The following TBX4 variants were observed in gnomAD, a reference collection of about 807,000 sequenced individuals.
TBX4 encodes the protein T-box transcription factor TBX4.
In TBX4, 13 loss-of-function variants were observed where a neutral mutation model predicts 54.6. That is an observed-to-expected ratio of 0.24 (90% CI 0.15 to 0.38). The LOEUF is 0.38. Ranked by LOEUF, TBX4 falls within the 10% of genes least tolerant of loss-of-function variation. The pLI, the probability that TBX4 is intolerant of heterozygous loss-of-function variation, is 1.00. For missense variants in TBX4, 631 were observed against 728.5 expected (o/e 0.87, Z 1.54); for synonymous variants, 314 against 306.7 (o/e 1.02, Z -0.25).
rs1402643583 is a variant in TBX4 at position 61,476,375 on chromosome 17, G to C, written c.550-2252G>C. Among the ~76,000 whole-genome samples the C allele has an allele frequency of 6.6e-6, 1 of 152,228 alleles. No individual in the cohort carries two copies. The highest frequency in any genetic ancestry group is 2.4e-5 in the African/African-American group (1 of 41,460). ...CAGCAGAGGGACCTGCATGTGCAAAGGTGCACAGGTAGGAACTGGGCATTC... is the reference window on the plus strand; with the variant it reads ...CAGCAGAGGGACCTGCATGTGCAAACGTGCACAGGTAGGAACTGGGCATTC... On this transcript the variant is annotated intron_variant, in intron 5 of 8. Coordinates refer to ENST00000644296, the MANE Select transcript of TBX4 (RefSeq NM_001321120.2). This position sits in a 1 kb window ranked among gnomAD's most constrained non-coding sequence, Gnocchi z 6.5.
intron 5 of TBX4, among the ~76,000 whole-genome samples, chr17:61,469,914 T>C (rs1015934006): frequency 1.3e-5 from 2 of 152,232 alleles, no homozygotes; most frequent in Non-Finnish European, 2.9e-5. Context: ...TGCCCTTCCT[T>C]CTGCACAACC....
chr17:61,467,104 A>C (rs957973228), intron 4 of TBX4, among the ~76,000 whole-genome samples: 3 of 152,138 alleles, frequency 2.0e-5, no homozygotes, highest in Non-Finnish European at 4.4e-5. Flanking sequence ...GGCTGCAGGG[A>C]GCTATGATCA....
rs1473861492 is a variant in TBX4 at position 61,476,033 on chromosome 17, C to T, written c.550-2594C>T. Among the ~76,000 whole-genome samples, 1 of 152,088 alleles carries T rather than the reference C, an allele frequency of 6.6e-6. No homozygotes were observed. The highest frequency in any genetic ancestry group is 1.5e-5 in the Non-Finnish European group (1 of 68,028). On this transcript the variant is annotated intron_variant, in intron 5 of 8. Coordinates refer to ENST00000644296, the MANE Select transcript of TBX4 (RefSeq NM_001321120.2). The surrounding 1 kb of genome is among the most constrained non-coding windows in gnomAD (Gnocchi z 6.5). Reference sequence around the variant, plus strand: ...CCCACGGAGGGTTTGTGGTCGTGGCCCAGATCTTCCCACTCTCAAACCCGA... The same window carrying T: ...CCCACGGAGGGTTTGTGGTCGTGGCTCAGATCTTCCCACTCTCAAACCCGA...
Position 61,461,480 on chromosome 17 carries a change from A to G in TBX4, c.281+3849A>G, listed in dbSNP as rs1480637796. On this transcript the variant is annotated intron_variant, in intron 3 of 8. Transcript: ENST00000644296. The surrounding 1 kb of genome is among the most constrained non-coding windows in gnomAD (Gnocchi z 5.1). ...AAGCCCCCACGGACATCAGGGTTGGAGAAACAAAGGGTTTTAAGGGGACCC... is the reference window on the plus strand; with the variant it reads ...AAGCCCCCACGGACATCAGGGTTGGGGAAACAAAGGGTTTTAAGGGGACCC... Among the ~76,000 whole-genome samples the G allele has an allele frequency of 1.3e-5, 2 of 152,140 alleles. No homozygotes were observed. The highest frequency in any genetic ancestry group is 2.9e-5 in the Non-Finnish European group (2 of 68,032).
At position 61,457,507 on chromosome 17, in the gene TBX4, G is replaced by A; in HGVS notation, c.187-30G>A. 6.2e-7 allele frequency: 1 copy of A among 1,606,312 alleles called. No individual in the cohort carries two copies. Among genetic ancestry groups the A allele is most frequent in the African/African-American group, 1.3e-5 (1 of 74,880 alleles). ...TCCGCGTGGAGCCCTGGGCCTGGCA[G>A]ACACAAGTTTCTCTCCCTCCCATCC... On this transcript the variant is annotated intron_variant, in intron 2 of 8. Transcript: ENST00000644296. The surrounding 1 kb of genome is among the most constrained non-coding windows in gnomAD (Gnocchi z 8.2).
intron 4 of TBX4, among the ~76,000 whole-genome samples, chr17:61,467,034 C>T (rs190619834): frequency 7.6e-4 from 115 of 152,220 alleles, no homozygotes; most frequent in Admixed American, 7.2e-3. Flanking sequence ...AGGTGCATGC[C>T]TGTAGTCACA....
Position 61,476,346 on chromosome 17 carries a change from G to A in TBX4, c.550-2281G>A, listed in dbSNP as rs2060619825. Among the ~76,000 whole-genome samples, 1 of 152,204 alleles carries A rather than the reference G, an allele frequency of 6.6e-6. No individual in the cohort carries two copies. Among genetic ancestry groups the A allele is most frequent in the South Asian group, 2.1e-4 (1 of 4,834 alleles). On this transcript the variant is annotated intron_variant, in intron 5 of 8. Transcript: ENST00000644296. This position sits in a 1 kb window ranked among gnomAD's most constrained non-coding sequence, Gnocchi z 6.5. Reference sequence around the variant, plus strand: ...GAGAAAAGAATGGGAAAGGAAGATCGAGACAGCAGAGGGACCTGCATGTGC... The same window carrying A: ...GAGAAAAGAATGGGAAAGGAAGATCAAGACAGCAGAGGGACCTGCATGTGC...
chr17:61,454,850 T>G (rs2060435409), intron 1 of TBX4, among the ~76,000 whole-genome samples: 1 of 152,168 alleles, frequency 6.6e-6, no homozygotes, highest in South Asian at 2.1e-4. Flanking sequence ...AGACGGCCCC[T>G]CCTTGCGACC....
At position 61,480,128 on chromosome 17, in the gene TBX4, A is replaced by G. The variant is rs1308766144; in HGVS notation, c.830A>G (p.Gln277Arg). The G allele has an allele frequency of 6.2e-7, 1 of 1,614,078 alleles. No homozygotes were observed. Residue 277 changes from glutamine to arginine, a missense_variant, in exon 8 of 9, where the codon CAG becomes CGG. Physicochemically the swap from Gln to Arg is conservative, Grantham distance 43. Transcript: ENST00000644296. The surrounding 1 kb of genome is among the most constrained non-coding windows in gnomAD (Gnocchi z 6.2). ...YPVISKSIMR[Q>R]RLISPQLSAT... Reference sequence around the variant, plus strand: ...GTGATTTCCAAAAGCATCATGAGGCAGAGGCTCATCTCCCCCCAGCTCTCA... The same window carrying G: ...GTGATTTCCAAAAGCATCATGAGGCGGAGGCTCATCTCCCCCCAGCTCTCA...
At chr17:61,452,927 G>C (rs2060424477) in intron 1 of TBX4, 2 of 985,340 alleles carry the variant, frequency 2.0e-6, no homozygotes, top group Non-Finnish European at 2.4e-6. Flanking sequence ...ATTGGTGTTT[G>C]CAGAATATGC....
At position 61,478,394 on chromosome 17, in the gene TBX4, T is replaced by A; in HGVS notation, c.550-233T>A. The A allele has an allele frequency of 3.4e-6, 2 of 590,354 alleles. No individual in the cohort carries two copies. The highest frequency in any genetic ancestry group is 3.9e-5 in the South Asian group (2 of 50,788). The allele number at this position is 590,354 out of a possible 1,614,324, so 36.6% of individuals were successfully genotyped here. On this transcript the variant is annotated intron_variant, in intron 5 of 8. Transcript: ENST00000644296. This position sits in a 1 kb window ranked among gnomAD's most constrained non-coding sequence, Gnocchi z 7.4. ...TCAACTGGTCACATCAAGGAGGGCC[T>A]GGAGCTGGGCATTAGTGCTGGTGCA...
chr17:61,481,015 C>T lies in TBX4; in HGVS notation c.1021+696C>T, dbSNP rs1454344832. The stretch of plus-strand genomic sequence containing the variant: ...CTCATGGGGCTGCTGAAATTCCCTT[C>T]GGAATGAGCCTGGGGACTTTTGCTT... On this transcript the variant is annotated intron_variant, in intron 8 of 8. Transcript: ENST00000644296. This position sits in a 1 kb window ranked among gnomAD's most constrained non-coding sequence, Gnocchi z 4.8. Among the ~76,000 whole-genome samples the T allele has an allele frequency of 6.6e-6, 1 of 152,144 alleles. No homozygotes were observed. The highest frequency in any genetic ancestry group is 1.5e-5 in the Non-Finnish European group (1 of 68,032).
chr17:61,475,921 A>G lies in TBX4; in HGVS notation c.550-2706A>G, dbSNP rs1270488943. The stretch of plus-strand genomic sequence containing the variant: ...AGATCATCTCTGCACATGTTTCATC[A>G]CCACTTTTGACCTAGGAAATGCCTT... On this transcript the variant is annotated intron_variant, in intron 5 of 8. Transcript: ENST00000644296. This position sits in a 1 kb window ranked among gnomAD's most constrained non-coding sequence, Gnocchi z 5.0. Among the ~76,000 whole-genome samples, 1 of 152,086 alleles carries G rather than the reference A, an allele frequency of 6.6e-6. No homozygotes were observed. Among genetic ancestry groups the G allele is most frequent in the Non-Finnish European group, 1.5e-5 (1 of 68,028 alleles).
In TBX4 at chr17:61,481,780, G is replaced by GT. The variant is rs1339455319; in HGVS notation, c.1022-1113dup. On this transcript the variant is annotated intron_variant, in intron 8 of 8. Transcript: ENST00000644296. The surrounding 1 kb of genome is among the most constrained non-coding windows in gnomAD (Gnocchi z 4.8). ...GGTTTTTGTTGTTGTTGTTGTCCTT[G>GT]TTTTGAGACGGAGTCTCTCTCTGTC... 2.6e-5 allele frequency: 4 copies of GT among 152,112 alleles called. No individual in the cohort carries two copies. Among genetic ancestry groups the GT allele is most frequent in the African/African-American group, 9.7e-5 (4 of 41,302 alleles). The allele number at this position is 152,112 out of a possible 1,614,324, so 9.4% of individuals were successfully genotyped here. A position where few individuals can be genotyped will look rare whatever the true frequency, so the allele number is the denominator to read the frequency against.
chr17:61,469,248 C>T (rs960881151), intron 5 of TBX4, among the ~76,000 whole-genome samples: 4 of 152,140 alleles, frequency 2.6e-5, no homozygotes, highest in African/African-American at 4.8e-5. Context: ...TGGGAGAGAG[C>T]GCTCTGGCCT....
chr17:61,468,633 T>G (rs929194962), intron 5 of TBX4, among the ~76,000 whole-genome samples: 1 of 152,242 alleles, frequency 6.6e-6, no homozygotes, highest in Non-Finnish European at 1.5e-5. Flanking sequence ...CTAGTTTTAA[T>G]TTCTCAGAAT....
At chr17:61,468,314 G>A (rs2060550483) in intron 5 of TBX4, among the ~76,000 whole-genome samples, 1 of 152,176 alleles carries the variant, frequency 6.6e-6, no homozygotes, top group African/African-American at 2.4e-5. Context: ...TTCCCCATCT[G>A]GCCCTGGAAA....
rs963230372 is a variant in TBX4, at chr17:61,475,265, G to A, written c.550-3362G>A. ...AAGGAGTTTGGCCTTTATTCCAAGGGTCAAGAGGGAACAATCAAAGGTGGA... is the reference window on the plus strand; with the variant it reads ...AAGGAGTTTGGCCTTTATTCCAAGGATCAAGAGGGAACAATCAAAGGTGGA... On this transcript the variant is annotated intron_variant, in intron 5 of 8. Transcript: ENST00000644296. The surrounding 1 kb of genome is among the most constrained non-coding windows in gnomAD (Gnocchi z 5.0). Among the ~76,000 whole-genome samples the A allele has an allele frequency of 6.6e-6, 1 of 152,196 alleles. No homozygotes were observed. The highest frequency in any genetic ancestry group is 2.4e-5 in the African/African-American group (1 of 41,434).
Position 61,471,892 on chromosome 17 carries a change from A to ATT in TBX4, c.549+4265_549+4266dup, listed in dbSNP as rs35198276. 1.3e-3 allele frequency among the ~76,000 whole-genome samples: 98 copies of ATT among 72,924 alleles called. 2 individuals carry two copies. The highest frequency in any genetic ancestry group is 6.2e-3 in the South Asian group (13 of 2,088). 47.8% of individuals were successfully genotyped at this position (72,924 alleles called of 152,430 possible). A position where few individuals can be genotyped will look rare whatever the true frequency, so the allele number is the denominator to read the frequency against. ...AGGTGCCTGCCACTATGCCCAGCTA[A>ATT]TTTTTTTTTTTTTTTTTTTTTTTTT... On this transcript the variant is annotated intron_variant, in intron 5 of 8. Coordinates refer to ENST00000644296, the MANE Select transcript of TBX4 (RefSeq NM_001321120.2).
Sources: gnomAD v4.1 joint callset for allele counts (sites outside exome capture counted in the v4.1 genomes callset) on GRCh38, gnomAD v4.1.1 for gene constraint, Gnocchi (gnomAD v3.1) non-coding constraint, MANE v1.5 for transcripts, NCBI Gene and HGNC (gene_info 2026-07-23, HGNC 2026-07-21) for gene names.